Variants in CAMK4 observed in about 807,000 individuals in gnomAD.
CAMK4 encodes calcium/calmodulin-dependent protein kinase type IV.
CAMK4 carries 22 observed loss-of-function variants against 44.9 expected under a neutral mutation model. The ratio of observed to expected loss-of-function variants is 0.49; its 90% CI spans 0.35 to 0.70. The LOEUF (loss-of-function observed/expected upper bound fraction) is 0.70, where lower values mean the gene tolerates loss of function less well. Ranked by LOEUF, CAMK4 falls within the 30% of genes least tolerant of loss-of-function variation. The probability of loss-of-function intolerance (pLI) is 0.01; values close to 1 mark genes in which losing one functional copy is unlikely to be tolerated. For synonymous variants in CAMK4, 218 were observed against 215.4 expected (o/e 1.01, Z -0.11); for missense variants, 498 against 586.8 (o/e 0.85, Z 1.56).
chr5:111,324,323 G>A (rs1331494118), intron 1 of CAMK4, among the ~76,000 whole-genome samples: 2 of 151,740 alleles, frequency 1.3e-5, no homozygotes, highest in African/African-American at 2.4e-5. Flanking sequence ...TAAATATAAA[G>A]ACAAATAGAA....
chr5:111,286,876 T>G (rs1172093173), intron 1 of CAMK4, among the ~76,000 whole-genome samples: 2 of 152,202 alleles, frequency 1.3e-5, no homozygotes, highest in African/African-American at 4.8e-5. Context: ...TGGTTGAACT[T>G]CTTTGAAGTA....
chr5:111,467,373 C>CAAAAAAAAA (rs34201915), intron 7 of CAMK4, among the ~76,000 whole-genome samples: 15 of 49,500 alleles, frequency 3.0e-4, no homozygotes, highest in Admixed American at 8.0e-4. Context: ...TTCTGCATAG[C>CAAAAAAAAA]AAAAAAAAAA....
intron 5 of CAMK4, among the ~76,000 whole-genome samples, chr5:111,434,272 A>T (rs562293554): frequency 1.4e-5 from 2 of 141,052 alleles, no homozygotes; most frequent in East Asian, 4.1e-4. Flanking sequence ...TAGCCTGGCT[A>T]CATAACGAGA....
chr5:111,367,986 A>G (rs769372994), intron 2 of CAMK4, among the ~76,000 whole-genome samples: 1 of 151,660 alleles, frequency 6.6e-6, no homozygotes. Context: ...CTTTTTCCTC[A>G]CTCTCACTGT....
chr5:111,230,094 T>G (rs1748395229), intron 1 of CAMK4, among the ~76,000 whole-genome samples: 1 of 152,190 alleles, frequency 6.6e-6, no homozygotes, highest in Non-Finnish European at 1.5e-5. Context: ...GTAGTGATAT[T>G]GATTCTAGTG....
chr5:111,238,967 G>A (rs979625204), intron 1 of CAMK4, among the ~76,000 whole-genome samples: 7 of 151,496 alleles, frequency 4.6e-5, no homozygotes, highest in African/African-American at 7.3e-5. Context: ...CTGTGCATCC[G>A]TACCTGTTGG....
chr5:111,382,900 A>G (rs2112839274), intron 4 of CAMK4, among the ~76,000 whole-genome samples: 1 of 152,286 alleles, frequency 6.6e-6, no homozygotes, highest in Non-Finnish European at 1.5e-5. Flanking sequence ...CTGACCTTTA[A>G]TTTGTATATA....
chr5:111,472,085 G>C (rs1380895093), intron 7 of CAMK4, among the ~76,000 whole-genome samples: 1 of 151,962 alleles, frequency 6.6e-6, no homozygotes, highest in East Asian at 1.9e-4. Flanking sequence ...AGTAGAGACA[G>C]GGTTTCACCA....
chr5:111,403,702 A>C lies in CAMK4; in HGVS notation c.459+8920A>C, dbSNP rs1752313881. On this transcript the variant is annotated intron_variant, in intron 5 of 10. Coordinates refer to ENST00000282356, the MANE Select transcript of CAMK4 (RefSeq NM_001744.6). ...ATCAGAAATTTTGGAACAGAATAAT[A>C]ATCAACATTCTGAAATTACAGTGCA... Among the ~76,000 whole-genome samples, 4 of 152,336 alleles carry C rather than the reference A, an allele frequency of 2.6e-5. No individual in the cohort carries two copies. In the South Asian group the frequency reaches 8.3e-4, roughly 32 times the overall value.
At chr5:111,350,905 G>A (rs540952998) in intron 2 of CAMK4, among the ~76,000 whole-genome samples, 1 of 152,116 alleles carries the variant, frequency 6.6e-6, no homozygotes, top group African/African-American at 2.4e-5. Context: ...ATATAACTAT[G>A]ATGTTGCAGG....
At chr5:111,344,153 G>C in intron 2 of CAMK4, 51 bp downstream of exon 2, 1 of 1,070,344 alleles carries the variant, frequency 9.3e-7, no homozygotes, top group Non-Finnish European at 1.4e-6. Flanking sequence ...GTGACCTGGA[G>C]AAGGCAGGAA....
intron 2 of CAMK4, among the ~76,000 whole-genome samples, chr5:111,351,611 C>T (rs755700361): frequency 6.6e-5 from 10 of 151,564 alleles, no homozygotes; most frequent in African/African-American, 1.2e-4. Context: ...GGGGTTTCAC[C>T]GTATTGGCCA....
chr5:111,389,695 C>T (rs545014881), intron 4 of CAMK4, among the ~76,000 whole-genome samples: 4 of 152,226 alleles, frequency 2.6e-5, no homozygotes, highest in East Asian at 1.9e-4. Flanking sequence ...TTGTTGTAGG[C>T]CAGAAGGTAA....
chr5:111,439,369 G>A (rs1210290850), intron 5 of CAMK4, among the ~76,000 whole-genome samples: 2 of 152,108 alleles, frequency 1.3e-5, no homozygotes, highest in Non-Finnish European at 2.9e-5. Flanking sequence ...CTGGCTGGAG[G>A]CAAGGGCAGT....
chr5:111,448,959 G>A (rs1754126028), intron 6 of CAMK4, among the ~76,000 whole-genome samples, 170 bp from the exon 7 acceptor site: 1 of 152,180 alleles, frequency 6.6e-6, no homozygotes, highest in Admixed American at 6.5e-5. Context: ...CACATGGATT[G>A]TTTTCTTTAG....
intron 7 of CAMK4, among the ~76,000 whole-genome samples, chr5:111,463,581 G>A (rs1352198165): frequency 6.6e-6 from 1 of 152,208 alleles, no homozygotes; most frequent in Admixed American, 6.5e-5. Flanking sequence ...GACCCTCACA[G>A]AGTCCATTTC....
In CAMK4 at chr5:111,436,365, G is replaced by T. The variant is rs985048941; in HGVS notation, c.460-10321G>T. ...GTAGAGGAGACTCATGCCACTGTCA[G>T]TGTGTTCTTTGTGACCTCTTCTCTT... On this transcript the variant is annotated intron_variant, in intron 5 of 10. Transcript: ENST00000282356. Among the ~76,000 whole-genome samples the T allele has an allele frequency of 3.3e-5, 5 of 152,200 alleles. No individual in the cohort carries two copies. In the South Asian group the frequency reaches 1.0e-3, roughly 32 times the overall value.
At chr5:111,241,786 A>G (rs1434360676) in intron 1 of CAMK4, among the ~76,000 whole-genome samples, 1 of 152,238 alleles carries the variant, frequency 6.6e-6, no homozygotes, top group Non-Finnish European at 1.5e-5. Context: ...GCAATTGGGA[A>G]TGTACTAACC....
intron 5 of CAMK4, among the ~76,000 whole-genome samples, chr5:111,399,660 A>G (rs1752150234): frequency 6.6e-6 from 1 of 152,220 alleles, no homozygotes; most frequent in Non-Finnish European, 1.5e-5. Context: ...GCCATGTACT[A>G]AACATCTTTA....
Sources: allele counts gnomAD v4.1 joint callset (sites outside exome capture counted in the v4.1 genomes callset), GRCh38; gene constraint gnomAD v4.1.1; transcripts MANE v1.5; gene names NCBI Gene and HGNC (gene_info 2026-07-23, HGNC 2026-07-21).